Variants in METTL15 observed in about 807,000 individuals in gnomAD.
METTL15 encodes methyltransferase 15, mitochondrial 12S rRNA N4-cytidine.
In METTL15, 34 loss-of-function variants were observed where a neutral mutation model predicts 38.3. That is an observed-to-expected ratio of 0.89 (90% CI 0.68 to 1.18). METTL15 has a LOEUF of 1.18. Ranked by LOEUF, METTL15 falls within the 50% of genes most tolerant of loss-of-function variation. METTL15 has a pLI of 0.00. For missense variants in METTL15, 438 were observed against 498.4 expected, an observed-to-expected ratio of 0.88 and a Z score of 1.15; for synonymous variants, 162 against 170.9, an observed-to-expected ratio of 0.95 and a Z score of 0.41.
At chr11:28,433,336 T>TATCC (rs1228975608) in intron 6 of METTL15, among the ~76,000 whole-genome samples, 1 of 152,186 alleles carries the variant, frequency 6.6e-6, no homozygotes, top group Admixed American at 6.5e-5. Flanking sequence ...AGCTAGCAAG[T>TATCC]ATCCCAATAA....
intron 5 of METTL15, among the ~76,000 whole-genome samples, chr11:28,389,960 ATTTGCATTTC>A (rs1850485067): frequency 6.6e-6 from 1 of 151,906 alleles, no homozygotes; most frequent in Admixed American, 6.6e-5. Context: ...TGTGGTTTTG[ATTTGCATTTC>A]TCTGATGGCC....
intron 5 of METTL15, among the ~76,000 whole-genome samples, chr11:28,365,336 C>T (rs1850175344): frequency 6.6e-6 from 1 of 152,118 alleles, no homozygotes; most frequent in Non-Finnish European, 1.5e-5. Flanking sequence ...TTTTTTAATA[C>T]TGATTCAATT....
At chr11:28,471,165 G>C (rs762610881) in intron 6 of METTL15, among the ~76,000 whole-genome samples, 1 of 151,994 alleles carries the variant, frequency 6.6e-6, no homozygotes, top group Non-Finnish European at 1.5e-5. Flanking sequence ...TTCTCAACAG[G>C]TCAGACTTGT....
At chr11:28,410,927 G>A (rs766465629) in intron 5 of METTL15, 42 of 152,040 alleles carry the variant, frequency 2.8e-4, no homozygotes, top group South Asian at 1.2e-3. Context: ...TAAAGTTACA[G>A]GGTACAAAAT....
intron 4 of METTL15, among the ~76,000 whole-genome samples, chr11:28,255,591 T>C (rs1055568363): frequency 6.6e-6 from 1 of 152,210 alleles, no homozygotes; most frequent in Admixed American, 6.5e-5. Flanking sequence ...GTCTATCATA[T>C]ATGGTTTTTA....
chr11:28,438,561 A>G (rs1851003487), intron 6 of METTL15, among the ~76,000 whole-genome samples: 2 of 151,848 alleles, frequency 1.3e-5, no homozygotes, highest in Admixed American at 1.3e-4. Flanking sequence ...ATTCAAGTTT[A>G]GTTGGCCTGG....
chr11:28,213,312 A>T (rs1852719547), intron 4 of METTL15, among the ~76,000 whole-genome samples: 1 of 152,148 alleles, frequency 6.6e-6, no homozygotes, highest in Non-Finnish European at 1.5e-5. Flanking sequence ...TGAAAGGATA[A>T]AGAGATCACA....
chr11:28,175,723 CT>C (rs1325816266), intron 3 of METTL15, among the ~76,000 whole-genome samples: 1 of 152,124 alleles, frequency 6.6e-6, no homozygotes, highest in Non-Finnish European at 1.5e-5. Context: ...TCACCAATCC[CT>C]GTTGAACTTA....
chr11:28,227,611 C>G (rs1275603314), intron 4 of METTL15, among the ~76,000 whole-genome samples: 1 of 151,874 alleles, frequency 6.6e-6, no homozygotes, highest in African/African-American at 2.4e-5. Context: ...AGAGGAATGA[C>G]AGAGTGGTAA....
chr11:28,392,390 A>G (rs1011660374), intron 5 of METTL15, among the ~76,000 whole-genome samples: 3 of 152,124 alleles, frequency 2.0e-5, no homozygotes, highest in African/African-American at 7.2e-5. Context: ...GGACAGACAT[A>G]TAGACTCATG....
intron 4 of METTL15, among the ~76,000 whole-genome samples, chr11:28,252,340 TA>T (rs1318069757): frequency 6.6e-6 from 1 of 152,126 alleles, no homozygotes; most frequent in Non-Finnish European, 1.5e-5. Context: ...AAAGAACATT[TA>T]GTACTGCCAG....
intron 4 of METTL15, among the ~76,000 whole-genome samples, chr11:28,358,087 A>T (rs957739662): frequency 6.6e-6 from 1 of 152,124 alleles, no homozygotes; most frequent in Non-Finnish European, 1.5e-5. Context: ...TGTGACATTG[A>T]AAGCATGAGA....
chr11:28,378,236 C>T (rs185759102), intron 5 of METTL15, among the ~76,000 whole-genome samples: 74 of 152,316 alleles, frequency 4.9e-4, no homozygotes, highest in Middle Eastern at 3.4e-3. Flanking sequence ...TGGGCAATGG[C>T]GGGCGCCCCT....
chr11:28,208,124 A>G (rs1392891906), intron 3 of METTL15, among the ~76,000 whole-genome samples: 1 of 151,948 alleles, frequency 6.6e-6, no homozygotes, highest in South Asian at 2.1e-4. Context: ...TTCTGCTCTG[A>G]TTTTAATTAT....
chr11:28,123,967 AGTT>A, intron 3 of METTL15: 1 of 1,000,538 alleles, frequency 1.0e-6, no homozygotes, highest in African/African-American at 1.7e-5. Flanking sequence ...AACAACATAG[AGTT>A]GTATAAGATT....
chr11:28,402,997 A>G (rs1188295359), intron 5 of METTL15, among the ~76,000 whole-genome samples: 2 of 151,922 alleles, frequency 1.3e-5, no homozygotes, highest in Non-Finnish European at 2.9e-5. Flanking sequence ...CATCCACCCA[A>G]AGGAAAAGAA....
chr11:28,385,988 G>A (rs1355284781), intron 5 of METTL15, among the ~76,000 whole-genome samples: 1 of 151,990 alleles, frequency 6.6e-6, no homozygotes, highest in Non-Finnish European at 1.5e-5. Flanking sequence ...AAAGTATGGG[G>A]GAAATAAATG....
intron 5 of METTL15, among the ~76,000 whole-genome samples, chr11:28,378,760 A>ATT (rs1564912672): frequency 2.7e-5 from 2 of 72,856 alleles, no homozygotes; most frequent in African/African-American, 7.3e-5. Flanking sequence ...CCTCCTCTTC[A>ATT]GTTTTTTTTT....
In METTL15 at chr11:28,123,952, A is replaced by T. The variant is rs868158721; in HGVS notation, c.270+10348A>T. On this transcript the variant is annotated intron_variant, in intron 3 of 6. Transcript: ENST00000407364. ...GTATACACTGGGAAGAAGATTATTAATAATAACAACATAGAGTTGTATAAG... is the reference window on the plus strand; with the variant it reads ...GTATACACTGGGAAGAAGATTATTATTAATAACAACATAGAGTTGTATAAG... 17 of 1,125,312 alleles carry T rather than the reference A, an allele frequency of 1.5e-5. No individual in the cohort carries two copies. The African/African-American group carries it at 2.3e-4, about 15-fold the overall frequency. The allele number at this position is 1,125,312 out of a possible 1,614,324, so 69.7% of individuals were successfully genotyped here. A position where few individuals can be genotyped will look rare whatever the true frequency, so the allele number is the denominator to read the frequency against.
Sources: gnomAD v4.1 joint callset for allele counts (sites outside exome capture counted in the v4.1 genomes callset) on GRCh38, gnomAD v4.1.1 for gene constraint, MANE v1.5 for transcripts, NCBI Gene and HGNC (gene_info 2026-07-23, HGNC 2026-07-21) for gene names.